DPP6: variants seen among roughly 807,000 people sequenced by gnomAD.
The protein encoded by DPP6 is dipeptidyl peptidase like 6.
A neutral mutation model predicts 122.6 loss-of-function variants in DPP6; 69 were observed. That is an observed-to-expected ratio of 0.56 (90% confidence interval 0.46 to 0.69). The LOEUF (loss-of-function observed/expected upper bound fraction) is 0.69, where lower values mean the gene tolerates loss of function less well. Ranked by LOEUF, DPP6 falls within the 30% of genes least tolerant of loss-of-function variation. The pLI is 0.00. For synonymous variants in DPP6, 418 were observed against 433.1 expected (o/e 0.97, Z 0.43); for missense variants, 928 against 1,116.9 (o/e 0.83, Z 2.41).
At chr7:154,857,802 G>A (rs1461634676) in intron 17 of DPP6, among the ~76,000 whole-genome samples, 8 of 152,262 alleles carry the variant, frequency 5.3e-5, no homozygotes, top group Admixed American at 1.3e-4. Context: ...TCAGGCAGCC[G>A]ACAAAGCCAT....
Position 154,544,342 on chromosome 7 carries a change from TC to T in DPP6, c.552+3720del, listed in dbSNP as rs2130299922. 2.0e-5 allele frequency among the ~76,000 whole-genome samples: 3 copies of T among 152,234 alleles called. No homozygotes were observed. In the South Asian group the frequency reaches 6.2e-4, roughly 32 times the overall value. On this transcript the variant is annotated intron_variant, in intron 4 of 25. Coordinates refer to ENST00000377770, the MANE Select transcript of DPP6 (RefSeq NM_130797.4). ...AATGAATCAAATAAAAGCACAGTTG[TC>T]CCCAAAGCACAAGTGCATCATCTCT...
intron 3 of DPP6, among the ~76,000 whole-genome samples, chr7:154,528,773 A>G (rs1283169663): frequency 1.3e-5 from 2 of 152,230 alleles, no homozygotes; most frequent in Non-Finnish European, 2.9e-5. Context: ...TCTGCCTGGA[A>G]AAGGCATGAA....
At chr7:154,307,833 TG>T (rs1806488437) in intron 1 of DPP6, among the ~76,000 whole-genome samples, 1 of 152,140 alleles carries the variant, frequency 6.6e-6, no homozygotes, top group East Asian at 1.9e-4. Context: ...GGTAGGCATG[TG>T]TAGGGAGACC....
At chr7:154,009,975 C>A (rs1285605445) in intron 1 of DPP6, among the ~76,000 whole-genome samples, 2 of 152,222 alleles carry the variant, frequency 1.3e-5, no homozygotes, top group African/African-American at 2.4e-5. Context: ...CCTAAAGTCG[C>A]ATAGGTAATT....
intron 1 of DPP6, among the ~76,000 whole-genome samples, chr7:154,130,789 T>C (rs1484578101): frequency 6.6e-6 from 1 of 151,836 alleles, no homozygotes; most frequent in East Asian, 1.9e-4. Flanking sequence ...TATACCAACC[T>C]GAGAGTCAGA....
At chr7:154,407,345 A>G (rs1384771342) in intron 1 of DPP6, among the ~76,000 whole-genome samples, 2 of 152,200 alleles carry the variant, frequency 1.3e-5, no homozygotes, top group Non-Finnish European at 2.9e-5. Context: ...TATGCATGTA[A>G]TATCTTAACT....
intron 10 of DPP6, among the ~76,000 whole-genome samples, chr7:154,781,664 C>T (rs1393658964): frequency 6.6e-6 from 1 of 152,198 alleles, no homozygotes; most frequent in Admixed American, 6.5e-5. Flanking sequence ...GTTTGCTCAG[C>T]GGTGCCCTCT....
intron 1 of DPP6, among the ~76,000 whole-genome samples, chr7:153,974,095 T>TA (rs929970420): frequency 9.2e-5 from 14 of 152,224 alleles, no homozygotes; most frequent in Admixed American, 5.9e-4. Context: ...CTGACCGTCT[T>TA]AAAAAAGCCT....
chr7:154,406,123 T>G (rs942683536), intron 1 of DPP6, among the ~76,000 whole-genome samples: 19 of 152,286 alleles, frequency 1.2e-4, no homozygotes, highest in African/African-American at 4.3e-4. Context: ...TGGATGCTCA[T>G]GGAGAAGATT....
intron 6 of DPP6, among the ~76,000 whole-genome samples, chr7:154,641,185 G>A (rs1296984077): frequency 1.3e-5 from 2 of 152,104 alleles, no homozygotes; most frequent in East Asian, 1.9e-4. Context: ...CTTTCTGTGT[G>A]GAAGGTGGGA....
In DPP6 at chr7:154,031,944, C is replaced by T. The variant is rs1173298070; in HGVS notation, c.51+144210C>T. On this transcript the variant is annotated intron_variant, in intron 1 of 25. Transcript: ENST00000404039. ...TGGCACAATCTCGGCTCACTGCAAG[C>T]TCTGCCTCCTGGCTTCATGCCATTC... Among the ~76,000 whole-genome samples the T allele has an allele frequency of 3.3e-5, 5 of 149,950 alleles. No individual in the cohort carries two copies. In the South Asian group the frequency reaches 8.4e-4, roughly 25 times the overall value.
At chr7:153,936,923 A>G (rs1213781579) in intron 1 of DPP6, among the ~76,000 whole-genome samples, 4 of 152,180 alleles carry the variant, frequency 2.6e-5, no homozygotes, top group Non-Finnish European at 4.4e-5. Context: ...GGGACTTTGT[A>G]TGGCAGCCAG....
chr7:154,684,398 G>C (rs1166145017), intron 7 of DPP6, among the ~76,000 whole-genome samples: 2 of 152,232 alleles, frequency 1.3e-5, no homozygotes, highest in African/African-American at 2.4e-5. Flanking sequence ...ACTTTGTGTA[G>C]ACTGTTAGTA....
At chr7:154,728,621 G>A (rs1236116926) in intron 8 of DPP6, among the ~76,000 whole-genome samples, 1 of 152,138 alleles carries the variant, frequency 6.6e-6, no homozygotes, top group Non-Finnish European at 1.5e-5. Flanking sequence ...AGTTTGTTCA[G>A]GCTGCTGTAA....
chr7:154,027,878 T>C (rs1278254723), intron 1 of DPP6, among the ~76,000 whole-genome samples: 1 of 151,686 alleles, frequency 6.6e-6, no homozygotes, highest in East Asian at 1.9e-4. Context: ...GCACCTATCA[T>C]ACTGACAGCA....
chr7:153,968,995 G>A (rs116738636), intron 1 of DPP6, among the ~76,000 whole-genome samples: 7,901 of 150,906 alleles, frequency 0.052, 690 homozygotes, highest in African/African-American at 0.18. Flanking sequence ...TTATTTATCT[G>A]TTGATCAATG....
chr7:153,898,296 T>C (rs1799493657), intron 1 of DPP6, among the ~76,000 whole-genome samples: 1 of 151,864 alleles, frequency 6.6e-6, no homozygotes, highest in African/African-American at 2.4e-5. Flanking sequence ...CTAAAAAAAA[T>C]TTAAAATATG....
At chr7:154,222,892 C>A (rs1800386575) in intron 1 of DPP6, among the ~76,000 whole-genome samples, 1 of 148,874 alleles carries the variant, frequency 6.7e-6, no homozygotes, top group Admixed American at 6.6e-5. Flanking sequence ...GATGCCACAG[C>A]CTTTCAGGTC....
intron 5 of DPP6, among the ~76,000 whole-genome samples, chr7:154,610,108 C>A (rs1476073125): frequency 1.3e-5 from 2 of 152,038 alleles, no homozygotes; most frequent in African/African-American, 2.4e-5. Flanking sequence ...GTCTCTGACC[C>A]CTGGAAGAGA....
Sources: gnomAD v4.1 joint callset for allele counts (sites outside exome capture counted in the v4.1 genomes callset) on GRCh38, gnomAD v4.1.1 for gene constraint, MANE v1.5 for transcripts, NCBI Gene and HGNC (gene_info 2026-07-23, HGNC 2026-07-21) for gene names.